Variants in ACVR1C observed in about 807,000 individuals in gnomAD.
ACVR1C encodes activin A receptor type 1C, also known as activin receptor type-1C.
In ACVR1C, 23 loss-of-function variants were observed where a neutral mutation model predicts 57.9. The observed-to-expected ratio is 0.40, with a 90% CI of 0.29 to 0.56. The LOEUF (loss-of-function observed/expected upper bound fraction) is 0.56, where lower values mean the gene tolerates loss of function less well. ACVR1C is among the 20% of genes least tolerant of loss of function. The probability of loss-of-function intolerance (pLI) is 0.50; values close to 1 mark genes in which losing one functional copy is unlikely to be tolerated. For synonymous variants in ACVR1C, 214 were observed against 215.3 expected, an observed-to-expected ratio of 0.99 and a Z score of 0.05; for missense variants, 480 against 607.9, an observed-to-expected ratio of 0.79 and a Z score of 2.21.
chr2:157,550,649 G>T (rs2105217361), intron 3 of ACVR1C, among the ~76,000 whole-genome samples: 1 of 151,176 alleles, frequency 6.6e-6, no homozygotes, highest in Non-Finnish European at 1.5e-5. Flanking sequence ...TGCTGCTACA[G>T]ATATCTGATT....
chr2:157,539,997 C>T (rs1687584149), intron 7 of ACVR1C, among the ~76,000 whole-genome samples: 1 of 152,174 alleles, frequency 6.6e-6, no homozygotes, highest in Admixed American at 6.6e-5. Context: ...AATGACATCA[C>T]TACAAAGTGC....
intron 2 of ACVR1C, among the ~76,000 whole-genome samples, chr2:157,582,343 C>T (rs1688811666): frequency 2.0e-5 from 3 of 151,898 alleles, no homozygotes; most frequent in South Asian, 4.1e-4. Flanking sequence ...TTAAATGTTC[C>T]GTAGCATTTC....
At chr2:157,605,319 C>A (rs1015752801) in intron 1 of ACVR1C, among the ~76,000 whole-genome samples, 1 of 151,796 alleles carries the variant, frequency 6.6e-6, no homozygotes, top group East Asian at 1.9e-4. Context: ...ATAGGTACTA[C>A]GAGCATTCCA....
rs1369705684 is a variant in ACVR1C at position 157,532,557 on chromosome 2, ACAT to A, written c.*1358_*1360del. ...AAAAGATGTTTTAGGAGCATAAAAG[ACAT>A]CATGTTAAATCTCGTTTACCAAAGT... On this transcript the variant is annotated 3_prime_UTR_variant, in exon 9 of 9. Coordinates refer to ENST00000243349, the MANE Select transcript of ACVR1C (RefSeq NM_145259.3). 6.6e-6 allele frequency: 1 copy of A among 152,124 alleles called. No individual in the cohort carries two copies. Among genetic ancestry groups the A allele is most frequent in the Non-Finnish European group, 1.5e-5 (1 of 68,006 alleles). 9.4% of individuals were successfully genotyped at this position (152,124 alleles called of 1,614,324 possible). A position where few individuals can be genotyped will look rare whatever the true frequency, so the allele number is the denominator to read the frequency against.
rs1471696827 is a variant in ACVR1C, at chr2:157,628,802, C to T, written c.-158G>A. On this transcript the variant is annotated 5_prime_UTR_variant, in exon 1 of 9. Coordinates refer to ENST00000243349, the MANE Select transcript of ACVR1C (RefSeq NM_145259.3). ...TTGGCTCTAGTCAGTGTGGGCGCCCCCCTCCCCGGCCGCCCCCATCCCACG... is the reference window on the plus strand; with the variant it reads ...TTGGCTCTAGTCAGTGTGGGCGCCCTCCTCCCCGGCCGCCCCCATCCCACG... 1.9e-5 allele frequency: 9 copies of T among 475,890 alleles called. No individual in the cohort carries two copies. Among genetic ancestry groups the T allele is most frequent in the Non-Finnish European group, 3.1e-5 (9 of 288,550 alleles). 29.5% of individuals were successfully genotyped at this position (475,890 alleles called of 1,614,324 possible). A position where few individuals can be genotyped will look rare whatever the true frequency, so the allele number is the denominator to read the frequency against.
At chr2:157,565,678 C>T (rs757150935) in intron 2 of ACVR1C, among the ~76,000 whole-genome samples, 3 of 152,134 alleles carry the variant, frequency 2.0e-5, no homozygotes. Flanking sequence ...TATTGATGGG[C>T]CATTCCACTG....
chr2:157,586,138 G>C (rs1688916224), intron 2 of ACVR1C, among the ~76,000 whole-genome samples: 1 of 151,950 alleles, frequency 6.6e-6, no homozygotes, highest in South Asian at 2.1e-4. Context: ...TTAAAAAAGA[G>C]AAAATGCAAA....
rs201918969 is a variant in ACVR1C at position 157,530,226 on chromosome 2, C to T, written c.*3692G>A. 3.9e-5 allele frequency: 6 copies of T among 152,180 alleles called. No individual in the cohort carries two copies. The East Asian group carries it at 1.2e-3, about 29-fold the overall frequency. The allele number at this position is 152,180 out of a possible 1,614,324, so 9.4% of individuals were successfully genotyped here. On this transcript the variant is annotated 3_prime_UTR_variant, in exon 9 of 9. Transcript: ENST00000243349. ...TTGGTACTGCTACTTTCTTAATTTTCCAGTGGGAAATAAAATTTGTATATT... is the reference window on the plus strand; with the variant it reads ...TTGGTACTGCTACTTTCTTAATTTTTCAGTGGGAAATAAAATTTGTATATT...
At chr2:157,620,790 C>G (rs1682755437) in intron 1 of ACVR1C, among the ~76,000 whole-genome samples, 1 of 152,036 alleles carries the variant, frequency 6.6e-6, no homozygotes, top group South Asian at 2.1e-4. Flanking sequence ...TTGAACATGT[C>G]CATATCCTGA....
chr2:157,552,936 A>G (rs1687956071), intron 3 of ACVR1C, among the ~76,000 whole-genome samples: 2 of 152,210 alleles, frequency 1.3e-5, no homozygotes, highest in Admixed American at 6.5e-5. Context: ...TAATGTCACC[A>G]TCAGTCAGAA....
Position 157,532,292 on chromosome 2 carries a change from A to G in ACVR1C, c.*1626T>C, listed in dbSNP as rs1401635423. On this transcript the variant is annotated 3_prime_UTR_variant, in exon 9 of 9. Transcript: ENST00000243349. Reference sequence around the variant, plus strand: ...TAGTAAAAAGTTTCCCCTCCTCTTAATAAAAGGGTTCCACCACGATCAGGT... The same window carrying G: ...TAGTAAAAAGTTTCCCCTCCTCTTAGTAAAAGGGTTCCACCACGATCAGGT... 6.6e-6 allele frequency: 1 copy of G among 152,034 alleles called. No individual in the cohort carries two copies. The highest frequency in any genetic ancestry group is 6.6e-5 in the Admixed American group (1 of 15,246). 9.4% of individuals were successfully genotyped at this position (152,034 alleles called of 1,614,324 possible). A position where few individuals can be genotyped will look rare whatever the true frequency, so the allele number is the denominator to read the frequency against.
chr2:157,616,551 A>G (rs1196130050), intron 1 of ACVR1C, among the ~76,000 whole-genome samples: 2 of 152,118 alleles, frequency 1.3e-5, no homozygotes, highest in Non-Finnish European at 2.9e-5. Context: ...ATCAGGTTCT[A>G]TTGAGTGCTC....
intron 1 of ACVR1C, among the ~76,000 whole-genome samples, chr2:157,613,292 G>C (rs1682572151): frequency 6.6e-6 from 1 of 152,026 alleles, no homozygotes; most frequent in Non-Finnish European, 1.5e-5. Flanking sequence ...TTCTGGGGAG[G>C]GTGAGTGTCT....
intron 8 of ACVR1C, among the ~76,000 whole-genome samples, chr2:157,537,409 TA>T (rs1284699297): frequency 1.3e-5 from 2 of 151,866 alleles, no homozygotes; most frequent in African/African-American, 2.4e-5. Flanking sequence ...AGAAAATTTT[TA>T]ATTTAATTTC....
chr2:157,566,751 G>A (rs564116419), intron 2 of ACVR1C, among the ~76,000 whole-genome samples: 2,807 of 151,784 alleles, frequency 0.018, 103 homozygotes, highest in African/African-American at 0.064. Flanking sequence ...AGCAGTCTGA[G>A]ATCAAACTGC....
chr2:157,615,947 T>C (rs1462410081), intron 1 of ACVR1C, among the ~76,000 whole-genome samples: 2 of 152,214 alleles, frequency 1.3e-5, no homozygotes, highest in African/African-American at 4.8e-5. Flanking sequence ...TCTTTGAATG[T>C]CATCAGTTAG....
At chr2:157,561,784 T>A (rs1688233972) in intron 2 of ACVR1C, among the ~76,000 whole-genome samples, 1 of 152,220 alleles carries the variant, frequency 6.6e-6, no homozygotes, top group Non-Finnish European at 1.5e-5. Flanking sequence ...ATTTGCTAGA[T>A]GTTAATGAGA....
chr2:157,614,385 T>A (rs186704328), intron 1 of ACVR1C, among the ~76,000 whole-genome samples: 220 of 152,274 alleles, frequency 1.4e-3, no homozygotes, highest in African/African-American at 4.8e-3. Flanking sequence ...TTTAATTTTT[T>A]AAAAATGTAT....
chr2:157,543,683 T>C (rs1400494420), intron 5 of ACVR1C, among the ~76,000 whole-genome samples: 1 of 152,218 alleles, frequency 6.6e-6, no homozygotes, highest in Admixed American at 6.5e-5. Context: ...TCTAGACTAA[T>C]TGACTCTCTA....
Sources: gnomAD v4.1 joint callset for allele counts (sites outside exome capture counted in the v4.1 genomes callset) on GRCh38, gnomAD v4.1.1 for gene constraint, MANE v1.5 for transcripts, NCBI Gene and HGNC (gene_info 2026-07-23, HGNC 2026-07-21) for gene names.